The following FAM53A variants were observed in gnomAD, a reference collection of about 807,000 sequenced individuals.
FAM53A encodes the protein protein FAM53A.
FAM53A carries 28 observed loss-of-function variants against 26.6 expected under a neutral mutation model. The observed-to-expected ratio is 1.05, with a 90% CI of 0.78 to 1.45. The LOEUF is 1.45. Ranked by LOEUF, FAM53A falls within the 40% of genes most tolerant of loss-of-function variation. The probability of loss-of-function intolerance (pLI) is 0.00; values close to 1 mark genes in which losing one functional copy is unlikely to be tolerated. For missense variants in FAM53A, 650 were observed against 575.8 expected (o/e 1.13, Z -1.32); for synonymous variants, 290 against 253.1 (o/e 1.15, Z -1.38).
the FAM53A span, among the ~76,000 whole-genome samples, chr4:1,592,134 A>C: frequency 6.6e-6 from 1 of 152,130 alleles, no homozygotes; most frequent in African/African-American, 2.4e-5. Flanking sequence ...CCTACGTGTT[A>C]ATGCAGCTCT....
downstream of FAM53A, among the ~76,000 whole-genome samples, chr4:1,635,505 C>A (rs1644301609): frequency 6.6e-6 from 1 of 152,064 alleles, no homozygotes; most frequent in African/African-American, 2.4e-5. Context: ...AACTCCTGAA[C>A]TCAAGCAATC....
intron 2 of FAM53A, 76 bp from the exon 3 acceptor site, chr4:1,657,544 T>A: frequency 8.2e-7 from 1 of 1,215,164 alleles, no homozygotes; most frequent in Non-Finnish European, 1.2e-6. Flanking sequence ...TTTTCATCAC[T>A]GCAGCACGTT....
At position 1,618,683 on chromosome 4, in the gene FAM53A, C is replaced by T. The variant is rs190115816; in HGVS notation, c.432-572G>A. Among the ~76,000 whole-genome samples the T allele has an allele frequency of 9.5e-4, 144 of 152,302 alleles. 1 individual carries two copies. The highest frequency in any genetic ancestry group is 3.3e-3 in the African/African-American group (139 of 41,558). ...CTTCTGGGCTGAAGCGATTCCATGC[C>T]GCCGGCCTCCCAGGCCATGGGGTAT... On this transcript the variant is annotated intron_variant, in intron 1 of 1. Transcript: ENST00000489029.
At chr4:1,609,543 T>C in the FAM53A span, among the ~76,000 whole-genome samples, 1 of 152,166 alleles carries the variant, frequency 6.6e-6, no homozygotes, top group Admixed American at 6.5e-5. Context: ...ATCTGATGGT[T>C]TAATAAGGAG....
chr4:1,637,088 G>A (rs1365679842), downstream of FAM53A, among the ~76,000 whole-genome samples: 14 of 151,936 alleles, frequency 9.2e-5, no homozygotes, highest in African/African-American at 9.7e-5. Flanking sequence ...GGCCACAACC[G>A]TCTGGGGCTG....
intron 1 of FAM53A, among the ~76,000 whole-genome samples, chr4:1,669,484 C>A (rs1443459411): frequency 1.3e-5 from 2 of 152,190 alleles, no homozygotes; most frequent in Non-Finnish European, 2.9e-5. Flanking sequence ...GTGGGCAGAT[C>A]CGTCTGTACT....
intron 1 of FAM53A, among the ~76,000 whole-genome samples, chr4:1,674,455 G>T (rs968743469): frequency 1.3e-5 from 2 of 152,146 alleles, no homozygotes; most frequent in African/African-American, 4.8e-5. Context: ...AAATCACAAG[G>T]TCAGGAAATC....
intron 1 of FAM53A, among the ~76,000 whole-genome samples, chr4:1,682,221 T>C (rs575677543): frequency 2.0e-5 from 3 of 152,210 alleles, no homozygotes; most frequent in African/African-American, 7.2e-5. Flanking sequence ...TTAATATCAT[T>C]GCAGAAAATG....
chr4:1,679,975 A>C (rs1166269186), intron 1 of FAM53A, among the ~76,000 whole-genome samples: 3 of 149,618 alleles, frequency 2.0e-5, no homozygotes, highest in Non-Finnish European at 2.9e-5. Flanking sequence ...GTGAGCCAAG[A>C]TCGCACCATT....
chr4:1,592,627 G>A, the FAM53A span, among the ~76,000 whole-genome samples: 1 of 152,166 alleles, frequency 6.6e-6, no homozygotes, highest in Non-Finnish European at 1.5e-5. Flanking sequence ...AAGCCAGGGT[G>A]AGCCCAGGGC....
At position 1,641,335 on chromosome 4, in the gene FAM53A, C is replaced by T. The variant is rs1413521218; in HGVS notation, c.1155G>A (p.Arg385=). 3.1e-6 allele frequency: 5 copies of T among 1,611,740 alleles called. No homozygotes were observed. The South Asian group carries it at 4.4e-5, about 14-fold the overall frequency. ...GCTCCAGGTCCAGCTCCCAGCGGGC[C>T]CGGGGGAAGACGCCCTCCTCCCCGA... is the stretch of plus-strand genomic sequence containing the variant. The part of the protein sequence containing the change: ...DSVGEEGVFP[R]ARWELDLEQI... Residue 385 remains arginine (R), a synonymous_variant, in exon 5 of 5, where the codon CGG becomes CGA. Coordinates refer to ENST00000308132, the MANE Select transcript of FAM53A (RefSeq NM_001174070.3).
intron 1 of FAM53A, among the ~76,000 whole-genome samples, chr4:1,623,329 GCCACCC>G (rs34277321): frequency 0.31 from 47,126 of 151,688 alleles, 7,854 homozygotes; most frequent in Middle Eastern, 0.44. Context: ...GGCTCCTGCT[GCCACCC>G]CCACCCCCAC....
intron 1 of FAM53A, among the ~76,000 whole-genome samples, chr4:1,674,397 C>T (rs756809602): frequency 2.6e-5 from 4 of 152,164 alleles, no homozygotes; most frequent in African/African-American, 7.2e-5. Context: ...TGGCCGGGCG[C>T]GGTGGCTCAC....
At chr4:1,658,582 G>A (rs1713590819) in intron 2 of FAM53A, among the ~76,000 whole-genome samples, 1 of 152,236 alleles carries the variant, frequency 6.6e-6, no homozygotes, top group African/African-American at 2.4e-5. Context: ...CTCCCTCCCT[G>A]GAAGCAGGAA....
intron 1 of FAM53A, among the ~76,000 whole-genome samples, chr4:1,626,943 G>C (rs1198723341): frequency 1.3e-5 from 2 of 152,302 alleles, no homozygotes; most frequent in South Asian, 2.1e-4. Flanking sequence ...TGGAGAGGGT[G>C]GGGGCCTGGC....
chr4:1,649,002 A>G (rs1367463315), intron 4 of FAM53A, among the ~76,000 whole-genome samples: 1 of 152,150 alleles, frequency 6.6e-6, no homozygotes, highest in Non-Finnish European at 1.5e-5. Context: ...AATCCCAGAC[A>G]CTTGGGAAGC....
chr4:1,677,503 A>T (rs902822713), intron 1 of FAM53A, among the ~76,000 whole-genome samples: 1 of 152,152 alleles, frequency 6.6e-6, no homozygotes, highest in South Asian at 2.1e-4. Flanking sequence ...GCCTACATAT[A>T]CAGGGCTGCT....
the FAM53A span, among the ~76,000 whole-genome samples, chr4:1,581,702 T>C: frequency 5.3e-5 from 8 of 152,216 alleles, no homozygotes; most frequent in East Asian, 1.5e-3. Flanking sequence ...TTCAAGCAAT[T>C]CTCCTGCCCA....
intron 1 of FAM53A, among the ~76,000 whole-genome samples, chr4:1,625,930 G>A (rs989370530): frequency 1.3e-5 from 2 of 152,250 alleles, no homozygotes; most frequent in Non-Finnish European, 2.9e-5. Flanking sequence ...GGTTCAGCGG[G>A]TGGGATCTGG....
Sources: allele counts gnomAD v4.1 joint callset (sites outside exome capture counted in the v4.1 genomes callset), GRCh38; gene constraint gnomAD v4.1.1; transcripts MANE v1.5; gene names NCBI Gene and HGNC (gene_info 2026-07-23, HGNC 2026-07-21).